Variants in USP6NL observed in about 807,000 individuals in gnomAD.
The protein encoded by USP6NL is USP6 N-terminal like.
In USP6NL, 26 loss-of-function variants were observed where a neutral mutation model predicts 61.9. The observed-to-expected ratio is 0.42, with a 90% CI of 0.31 to 0.58. The LOEUF (loss-of-function observed/expected upper bound fraction) is 0.58, where lower values mean the gene tolerates loss of function less well. Among genes scored for constraint, USP6NL ranks in the 20% least tolerant of loss-of-function variants. USP6NL has a pLI of 0.16. For synonymous variants in USP6NL, 432 were observed against 390.1 expected (o/e 1.11, Z -1.27); for missense variants, 1,114 against 1,034.3 (o/e 1.08, Z -1.06).
intron 2 of USP6NL, among the ~76,000 whole-genome samples, chr10:11,594,110 T>TC (rs1838244755): frequency 1.3e-5 from 2 of 152,170 alleles, no homozygotes; most frequent in Admixed American, 6.5e-5. Flanking sequence ...AATTTTTTTT[T>TC]CTCAAAAACA....
rs1374472205 is a variant in USP6NL, at chr10:11,611,519, C to T, written c.-160G>A. The T allele has an allele frequency of 7.4e-5, 11 of 148,522 alleles. No individual in the cohort carries two copies. Among genetic ancestry groups the T allele is most frequent in the Admixed American group, 2.0e-4 (3 of 14,652 alleles). The allele number at this position is 148,522 out of a possible 1,614,324, so 9.2% of individuals were successfully genotyped here. On this transcript the variant is annotated 5_prime_UTR_variant, in exon 1 of 15. Coordinates refer to ENST00000609104, the MANE Select transcript of USP6NL (RefSeq NM_014688.5). The surrounding 1 kb of genome is among the most constrained non-coding windows in gnomAD (Gnocchi z 5.3). ...CCCGGGCGGCCGAGCAGATCCGGCG[C>T]GGCGCGGCGCGGCGGCGGCGGCGGC...
intron 4 of USP6NL, among the ~76,000 whole-genome samples, chr10:11,522,145 C>T (rs977652982): frequency 1.2e-4 from 18 of 152,160 alleles, no homozygotes; most frequent in African/African-American, 4.3e-4. Flanking sequence ...TATTCCAAAA[C>T]CAAGTTGTTC....
chr10:11,491,035 A>T lies in USP6NL; in HGVS notation c.495-155T>A, dbSNP rs1298205754. 6.6e-6 allele frequency among the ~76,000 whole-genome samples: 1 copy of T among 152,202 alleles called. No homozygotes were observed. The highest frequency in any genetic ancestry group is 1.5e-5 in the Non-Finnish European group (1 of 68,032). ...TATCCCAAGTTCAAATTCAAACAAC[A>T]CTCTAAAAAGTCTAAATTCAAGACT... On this transcript the variant is annotated intron_variant, in intron 8 of 14. Transcript: ENST00000609104. The surrounding 1 kb of genome is among the most constrained non-coding windows in gnomAD (Gnocchi z 4.7).
At position 11,573,507 on chromosome 10, in the gene USP6NL, G is replaced by T. The variant is rs184044671; in HGVS notation, c.4+24124C>A. 1.3e-5 allele frequency: 5 copies of T among 396,312 alleles called. No individual in the cohort carries two copies. The East Asian group carries it at 1.8e-4, about 14-fold the overall frequency. The allele number at this position is 396,312 out of a possible 1,614,324, so 24.5% of individuals were successfully genotyped here. On this transcript the variant is annotated intron_variant, in intron 2 of 14. Coordinates refer to ENST00000609104, the MANE Select transcript of USP6NL (RefSeq NM_014688.5). ...ATATCAGAAATGCAAAAGCATACAC[G>T]GAAACTCAAAACCCCTTTTTATAGC...
chr10:11,554,963 C>T lies in USP6NL; in HGVS notation c.5-27396G>A, dbSNP rs1421728055. ...TACAGGTGCCTGCCACCATGCCCGG[C>T]TAATTTTTTTTTTTTTTTTTTTACT... On this transcript the variant is annotated intron_variant, in intron 2 of 14. Coordinates refer to ENST00000609104, the MANE Select transcript of USP6NL (RefSeq NM_014688.5). Among the ~76,000 whole-genome samples, 11 of 82,870 alleles carry T rather than the reference C, an allele frequency of 1.3e-4. No homozygotes were observed. In the Admixed American group the frequency reaches 1.6e-3, roughly 12 times the overall value. The allele number at this position is 82,870 out of a possible 152,430, so 54.4% of individuals were successfully genotyped here. A position where few individuals can be genotyped will look rare whatever the true frequency, so the allele number is the denominator to read the frequency against.
chr10:11,600,246 C>T lies in USP6NL; in HGVS notation c.-83-2529G>A, dbSNP rs1469728505. On this transcript the variant is annotated intron_variant, in intron 1 of 14. Transcript: ENST00000609104. The surrounding 1 kb of genome is among the most constrained non-coding windows in gnomAD (Gnocchi z 4.1). ...TTTCCAGGTACTCTAAGTCTAAGGGCGTGGCCATATGACTTGCTGGAATGG... is the reference window on the plus strand; with the variant it reads ...TTTCCAGGTACTCTAAGTCTAAGGGTGTGGCCATATGACTTGCTGGAATGG... 1.3e-5 allele frequency among the ~76,000 whole-genome samples: 2 copies of T among 152,126 alleles called. No individual in the cohort carries two copies. The highest frequency in any genetic ancestry group is 2.4e-5 in the African/African-American group (1 of 41,410).
At chr10:11,571,505 C>T (rs1837359964) in intron 2 of USP6NL, among the ~76,000 whole-genome samples, 1 of 152,064 alleles carries the variant, frequency 6.6e-6, no homozygotes, top group Non-Finnish European at 1.5e-5. Context: ...AATTTTATCC[C>T]CAACTTTGAT....
rs7099542 is a variant in USP6NL at position 11,591,044 on chromosome 10, A to G, written c.4+6587T>C. ...TAGAAGGCGTCCAGATGATCTATCT[A>G]GTGCCTACATTTACGAATGAGTAAA... is the stretch of plus-strand genomic sequence containing the variant. On this transcript the variant is annotated intron_variant, in intron 2 of 14. Transcript: ENST00000609104. This position sits in a 1 kb window ranked among gnomAD's most constrained non-coding sequence, Gnocchi z 4.7. Among the ~76,000 whole-genome samples, 149,462 of 152,278 alleles carry G rather than the reference A, an allele frequency of 0.98. 73,365 individuals are homozygous for G. The highest frequency in any genetic ancestry group is 1 in the East Asian group (5,186 of 5,186).
At position 11,602,436 on chromosome 10, in the gene USP6NL, TATTC is replaced by T. The variant is rs1013437801; in HGVS notation, c.-83-4723_-83-4720del. Among the ~76,000 whole-genome samples, 6 of 152,314 alleles carry T rather than the reference TATTC, an allele frequency of 3.9e-5. No individual in the cohort carries two copies. The highest frequency in any genetic ancestry group is 3.3e-4 in the Admixed American group (5 of 15,302). ...ATGTATAATGCATAATAAATCTTACTATTCATTCATTCAGTATTTACCGAGTAGC... is the reference window on the plus strand; with the variant it reads ...ATGTATAATGCATAATAAATCTTACTATTCATTCAGTATTTACCGAGTAGC... On this transcript the variant is annotated intron_variant, in intron 1 of 14. Transcript: ENST00000609104. This position sits in a 1 kb window ranked among gnomAD's most constrained non-coding sequence, Gnocchi z 4.8.
chr10:11,527,665 C>T (rs1187266079), intron 2 of USP6NL, 98 bp from the exon 3 acceptor site: 1 of 1,082,158 alleles, frequency 9.2e-7, no homozygotes, highest in Non-Finnish European at 1.3e-6. Context: ...AAAATAAATA[C>T]TGCCTAAAAT....
intron 14 of USP6NL, among the ~76,000 whole-genome samples, chr10:11,464,214 A>T (rs1401699981): frequency 1.3e-5 from 2 of 152,210 alleles, no homozygotes; most frequent in Non-Finnish European, 2.9e-5. Context: ...TCTGGATTTT[A>T]TTCCAAGTTA....
rs2096216715 is a variant in USP6NL, at chr10:11,462,145, T to C, written c.*296A>G. The C allele has an allele frequency of 6.0e-6, 2 of 334,878 alleles. No individual in the cohort carries two copies. The highest frequency in any genetic ancestry group is 5.4e-6 in the Non-Finnish European group (1 of 183,924). The allele number at this position is 334,878 out of a possible 1,614,324, so 20.7% of individuals were successfully genotyped here. On this transcript the variant is annotated 3_prime_UTR_variant, in exon 15 of 15. Coordinates refer to ENST00000609104, the MANE Select transcript of USP6NL (RefSeq NM_014688.5). ...CAACAGAGTAAAAATGTTCAGGTTT[T>C]GGAGAAAAACATAACCGGAACTGAG...
chr10:11,523,191 A>G (rs1566156198), intron 4 of USP6NL, among the ~76,000 whole-genome samples: 1 of 152,230 alleles, frequency 6.6e-6, no homozygotes, highest in Non-Finnish European at 1.5e-5. Context: ...CAGATTGCCA[A>G]ATACAGACTA....
chr10:11,582,172 G>C (rs1209525921), intron 2 of USP6NL, among the ~76,000 whole-genome samples: 2 of 152,224 alleles, frequency 1.3e-5, no homozygotes, highest in Non-Finnish European at 2.9e-5. Flanking sequence ...CGCCATGTTG[G>C]GCAGGCTGGT....
intron 2 of USP6NL, among the ~76,000 whole-genome samples, chr10:11,578,637 T>A (rs1025396297): frequency 1.2e-4 from 18 of 152,332 alleles, no homozygotes; most frequent in African/African-American, 4.3e-4. Context: ...AATTATTTTT[T>A]AAAATTTTTA....
At chr10:11,593,416 C>T (rs574670650) in intron 2 of USP6NL, among the ~76,000 whole-genome samples, 1 of 151,968 alleles carries the variant, frequency 6.6e-6, no homozygotes, top group Non-Finnish European at 1.5e-5. Context: ...CTCTTGTGAC[C>T]ATTTATATTA....
rs1833651862 is a variant in USP6NL, at chr10:11,490,238, C to T, written c.543+594G>A. Among the ~76,000 whole-genome samples, 1 of 152,184 alleles carries T rather than the reference C, an allele frequency of 6.6e-6. No homozygotes were observed. ...CAAGGTTCAAAGGTCCTCCCTGGGA[C>T]CTAGTCAACAAGTATTCATTTAACA... On this transcript the variant is annotated intron_variant, in intron 9 of 14. Coordinates refer to ENST00000609104, the MANE Select transcript of USP6NL (RefSeq NM_014688.5). This position sits in a 1 kb window ranked among gnomAD's most constrained non-coding sequence, Gnocchi z 4.5.
At chr10:11,524,714 T>A (rs556672598) in intron 4 of USP6NL, among the ~76,000 whole-genome samples, 1 of 152,146 alleles carries the variant, frequency 6.6e-6, no homozygotes, top group South Asian at 2.1e-4. Context: ...AAGAGCACAG[T>A]TGAATGAAAA....
At position 11,584,417 on chromosome 10, in the gene USP6NL, C is replaced by T. The variant is rs571508239; in HGVS notation, c.4+13214G>A. ...ATTCAGAGAGATTTTTGTAGAGATT[C>T]CCCCAGTATGAAATCTGTAATCACC... On this transcript the variant is annotated intron_variant, in intron 2 of 14. Coordinates refer to ENST00000609104, the MANE Select transcript of USP6NL (RefSeq NM_014688.5). Among the ~76,000 whole-genome samples the T allele has an allele frequency of 3.5e-4, 54 of 152,244 alleles. 1 individual carries two copies. In the South Asian group the frequency reaches 0.011, roughly 30 times the overall value.
Sources: allele counts gnomAD v4.1 joint callset (sites outside exome capture counted in the v4.1 genomes callset), GRCh38; gene constraint gnomAD v4.1.1; non-coding constraint Gnocchi (gnomAD v3.1); transcripts MANE v1.5; gene names NCBI Gene and HGNC (gene_info 2026-07-23, HGNC 2026-07-21).